MCHR2: variants seen among roughly 807,000 people sequenced by gnomAD.
MCHR2 encodes melanin-concentrating hormone receptor 2.
A neutral mutation model predicts 24.8 loss-of-function variants in MCHR2; 15 were observed. The observed-to-expected ratio is 0.60, with a 90% CI of 0.40 to 0.93. MCHR2 has a LOEUF of 0.93. Ranked by LOEUF, MCHR2 falls within the 40% of genes least tolerant of loss-of-function variation. The pLI is 0.00. For missense variants in MCHR2, 386 were observed against 408.7 expected, an observed-to-expected ratio of 0.94 and a Z score of 0.48; for synonymous variants, 151 against 147.6, an observed-to-expected ratio of 1.02 and a Z score of -0.17.
At chr6:99,956,982 G>A (rs1775076353) in intron 1 of MCHR2, among the ~76,000 whole-genome samples, 1 of 151,954 alleles carries the variant, frequency 6.6e-6, no homozygotes, top group Admixed American at 6.6e-5. Context: ...ATTTATGTGT[G>A]TCTGCGTGTG....
chr6:99,972,304 C>T (rs1188710091), intron 1 of MCHR2, among the ~76,000 whole-genome samples: 21 of 151,964 alleles, frequency 1.4e-4, no homozygotes, highest in Middle Eastern at 3.4e-3. Context: ...GTGTATGTGT[C>T]GAGGAATTTA....
intron 5 of MCHR2, among the ~76,000 whole-genome samples, chr6:99,929,661 C>A (rs1432458121): frequency 2.0e-5 from 3 of 151,872 alleles, no homozygotes. Context: ...GGATTGCAAC[C>A]CCTGCCTTTT....
intron 1 of MCHR2, among the ~76,000 whole-genome samples, chr6:99,972,668 G>C (rs2114571610): frequency 6.6e-6 from 1 of 151,866 alleles, no homozygotes; most frequent in South Asian, 2.1e-4. Context: ...TGTCAATTTT[G>C]GATCTTTCCT....
At chr6:99,980,682 C>CA (rs1461875442) in intron 1 of MCHR2, among the ~76,000 whole-genome samples, 6 of 151,486 alleles carry the variant, frequency 4.0e-5, no homozygotes, top group East Asian at 3.9e-4. Flanking sequence ...CTACCATTGG[C>CA]AAAAAAAATA....
chr6:99,932,615 A>AT (rs529241166), intron 5 of MCHR2, among the ~76,000 whole-genome samples: 1 of 152,190 alleles, frequency 6.6e-6, no homozygotes, highest in East Asian at 1.9e-4. Flanking sequence ...AGAAGAGTTG[A>AT]TTTTTTTAAA....
intron 4 of MCHR2, among the ~76,000 whole-genome samples, chr6:99,935,683 T>A (rs1774643320): frequency 6.6e-6 from 1 of 152,064 alleles, no homozygotes. Context: ...AGTACAGATA[T>A]CTCTTTGGTA....
At position 99,943,107 on chromosome 6, in the gene MCHR2, A is replaced by G; in HGVS notation, c.429T>C (p.Arg143=). Residue 143 remains arginine, a synonymous_variant, in exon 4 of 6, where the codon CGT becomes CGC. Coordinates refer to ENST00000281806, the MANE Select transcript of MCHR2 (RefSeq NM_001040179.2). ...FALVQPFRLT[R]WRTRYKTIRI... is the part of the protein sequence containing the mutation. ...GGATGGTCTTGTACCTTGTTCTCCA[A>G]CGTGTCAGTCGAAATGGTTGGACGA... The G allele has an allele frequency of 6.2e-7, 1 of 1,610,784 alleles. No individual in the cohort carries two copies. The highest frequency in any genetic ancestry group is 1.1e-5 in the South Asian group (1 of 90,562).
chr6:99,959,854 T>G (rs894509188), intron 1 of MCHR2, among the ~76,000 whole-genome samples: 1 of 149,410 alleles, frequency 6.7e-6, no homozygotes, highest in Non-Finnish European at 1.5e-5. Flanking sequence ...ATAATAATAA[T>G]AGGTAAAAAA....
At chr6:99,934,366 C>A in intron 5 of MCHR2, 32 bp downstream of exon 5, 2 of 1,526,066 alleles carry the variant, frequency 1.3e-6, no homozygotes, top group Non-Finnish European at 1.7e-6. Flanking sequence ...CTAAATTGTT[C>A]TTTTAACAAA....
intron 1 of MCHR2, among the ~76,000 whole-genome samples, chr6:99,962,502 A>G (rs944255771): frequency 1.3e-5 from 2 of 152,150 alleles, no homozygotes; most frequent in African/African-American, 4.8e-5. Flanking sequence ...TGAGGAGAGG[A>G]TAGACTTTTC....
At chr6:99,949,013 A>C (rs983196662) in intron 2 of MCHR2, among the ~76,000 whole-genome samples, 2 of 152,152 alleles carry the variant, frequency 1.3e-5, no homozygotes, top group South Asian at 4.1e-4. Context: ...GCTATCTAGA[A>C]GTGGCCTTCT....
At chr6:99,978,786 G>A (rs549570681) in intron 1 of MCHR2, among the ~76,000 whole-genome samples, 3 of 152,064 alleles carry the variant, frequency 2.0e-5, no homozygotes, top group Non-Finnish European at 4.4e-5. Context: ...TGTTGGGGGT[G>A]GCTAAAAAAG....
chr6:99,928,217 T>C (rs1477033647), intron 5 of MCHR2, among the ~76,000 whole-genome samples: 1 of 152,220 alleles, frequency 6.6e-6, no homozygotes, highest in Non-Finnish European at 1.5e-5. Context: ...AGCTTTTTGA[T>C]GCGCTGCTGA....
At chr6:99,990,062 A>C (rs902467829) in intron 1 of MCHR2, among the ~76,000 whole-genome samples, 2 of 152,064 alleles carry the variant, frequency 1.3e-5, no homozygotes, top group East Asian at 3.9e-4. Flanking sequence ...TAAAAAACAA[A>C]AAAAAAACTA....
chr6:99,954,532 A>G (rs1292896974), intron 2 of MCHR2, among the ~76,000 whole-genome samples: 1 of 152,130 alleles, frequency 6.6e-6, no homozygotes, highest in Admixed American at 6.6e-5. Flanking sequence ...CTCCAAGGGA[A>G]AAATGACCCT....
chr6:99,953,738 A>T (rs1268764234), intron 2 of MCHR2, among the ~76,000 whole-genome samples: 1 of 151,976 alleles, frequency 6.6e-6, no homozygotes, highest in East Asian at 1.9e-4. Flanking sequence ...GGCATGCAAT[A>T]GGTATTTACT....
intron 5 of MCHR2, among the ~76,000 whole-genome samples, chr6:99,927,891 G>A (rs1221080001): frequency 6.6e-6 from 1 of 152,100 alleles, no homozygotes; most frequent in Non-Finnish European, 1.5e-5. Flanking sequence ...GGAGTGGTGA[G>A]AGAGGGCATC....
At chr6:99,926,688 T>G (rs901699798) in intron 5 of MCHR2, among the ~76,000 whole-genome samples, 4 of 152,158 alleles carry the variant, frequency 2.6e-5, no homozygotes, top group African/African-American at 4.8e-5. Flanking sequence ...GGGTTGTTTG[T>G]TTTTTTCTTG....
chr6:99,954,532 A>C (rs1292896974), intron 2 of MCHR2, among the ~76,000 whole-genome samples: 1 of 152,130 alleles, frequency 6.6e-6, no homozygotes, highest in Non-Finnish European at 1.5e-5. Context: ...CTCCAAGGGA[A>C]AAATGACCCT....
Sources: allele counts gnomAD v4.1 joint callset (sites outside exome capture counted in the v4.1 genomes callset), GRCh38; gene constraint gnomAD v4.1.1; transcripts MANE v1.5; gene names NCBI Gene and HGNC (gene_info 2026-07-23, HGNC 2026-07-21).